The following BAG6 variants were observed in gnomAD, a reference collection of about 807,000 sequenced individuals.
BAG6 encodes the protein BAG cochaperone 6.
A neutral mutation model predicts 121.0 loss-of-function variants in BAG6; 22 were observed. The observed-to-expected ratio is 0.18, with a 90% CI of 0.13 to 0.26. BAG6 has a LOEUF of 0.26. Among genes scored for constraint, BAG6 ranks in the 10% least tolerant of loss-of-function variants. The pLI, the probability that BAG6 is intolerant of heterozygous loss-of-function variation, is 1.00. For synonymous variants in BAG6, 583 were observed against 584.6 expected (o/e 1.00, Z 0.04); for missense variants, 1,233 against 1,537.7 (o/e 0.80, Z 3.31).
chr6:31,641,378 G>A lies in BAG6; in HGVS notation c.2604C>T (p.Asn868=), dbSNP rs1464273353. ...TAAACTGCTCTTGGAGAAATTCCAG[G>A]TTTGTCCGGATGATGTCCACACCTG... ...VQPGVDIIRT[N]LEFLQEQFNS... is the part of the protein sequence containing the mutation. Residue 868 remains asparagine (N), a synonymous_variant, in exon 19 of 26, where the codon AAC becomes AAT. Transcript: ENST00000676615. This position sits in a 1 kb window ranked among gnomAD's most constrained non-coding sequence, Gnocchi z 5.7. The A allele has an allele frequency of 6.2e-7, 1 of 1,614,244 alleles. No individual in the cohort carries two copies. Among genetic ancestry groups the A allele is most frequent in the East Asian group, 2.2e-5 (1 of 44,888 alleles).
intron 6 of BAG6, among the ~76,000 whole-genome samples, chr6:31,648,143 G>C (rs1791980698): frequency 6.6e-6 from 1 of 151,532 alleles, no homozygotes; most frequent in Non-Finnish European, 1.5e-5. Flanking sequence ...AGCCTTCTAA[G>C]TAGCCAGGCC....
chr6:31,645,653 G>A, intron 8 of BAG6, 49 bp from the exon 9 acceptor site: 1 of 1,592,038 alleles, frequency 6.3e-7, no homozygotes, highest in Non-Finnish European at 8.6e-7. Context: ...TCAAGCTGGA[G>A]TCCATCTCAC....
chr6:31,640,596 C>G lies in BAG6; in HGVS notation c.2994+49G>C. On this transcript the variant is annotated intron_variant, in intron 22 of 25. Transcript: ENST00000676615. This position sits in a 1 kb window ranked among gnomAD's most constrained non-coding sequence, Gnocchi z 4.2. ...AGCCTCCAAACCTTTCTCCCCCAGCCCTCCACTCCACATTATCTGGCCCCT... is the reference window on the plus strand; with the variant it reads ...AGCCTCCAAACCTTTCTCCCCCAGCGCTCCACTCCACATTATCTGGCCCCT... 6.2e-7 allele frequency: 1 copy of G among 1,612,784 alleles called. No homozygotes were observed. Among genetic ancestry groups the G allele is most frequent in the Non-Finnish European group, 8.5e-7 (1 of 1,179,838 alleles).
chr6:31,643,707 G>A (rs528033098), intron 14 of BAG6, among the ~76,000 whole-genome samples, 183 bp downstream of exon 14: 1 of 106,218 alleles, frequency 9.4e-6, no homozygotes, highest in African/African-American at 4.0e-5. Flanking sequence ...TAGCAACAGA[G>A]TGAGACTCCA....
chr6:31,649,722 C>T (rs764166035), intron 2 of BAG6, 95 bp from the exon 3 acceptor site: 1 of 1,036,490 alleles, frequency 9.6e-7, no homozygotes, highest in Non-Finnish European at 1.5e-6. Flanking sequence ...GGGTAAAAAC[C>T]ACCACAGAAT....
At chr6:31,639,689 G>A in intron 24 of BAG6, 43 bp from the exon 25 acceptor site, 1 of 1,573,236 alleles carries the variant, frequency 6.4e-7, no homozygotes, top group Non-Finnish European at 8.6e-7. Flanking sequence ...ATCAACGTCA[G>A]ATCCAGTGCC....
chr6:31,642,540 G>A, intron 15 of BAG6, 137 bp from the exon 16 acceptor site: 2 of 635,318 alleles, frequency 3.1e-6, no homozygotes, highest in South Asian at 3.9e-5. Context: ...ACTGCTTAAA[G>A]CAGAAGTATG....
At position 31,646,417 on chromosome 6, in the gene BAG6, C is replaced by T; in HGVS notation, c.895G>A (p.Ala299Thr). ...ACATTGTTATTGTAGTCCGTGGTGGCAGCAGCACCCAGAACCTCGTAGTAG... is the reference window on the plus strand; with the variant it reads ...ACATTGTTATTGTAGTCCGTGGTGGTAGCAGCACCCAGAACCTCGTAGTAG... ...QRYYEVLGAA[A>T]TTDYNNNHEG... Residue 299 changes from alanine (A) to threonine (T), a missense_variant, in exon 8 of 26, where the codon GCC becomes ACC. By Grantham distance (58) the Ala-to-Thr change is moderately conservative (BLOSUM62 0). Transcript: ENST00000676615. 1 of 1,612,936 alleles carries T rather than the reference C, an allele frequency of 6.2e-7. No homozygotes were observed. Among genetic ancestry groups the T allele is most frequent in the Non-Finnish European group, 8.5e-7 (1 of 1,179,966 alleles).
Position 31,649,633 on chromosome 6 carries a change from A to G in BAG6, c.109-6T>C, listed in dbSNP as rs750239774. 6.2e-7 allele frequency: 1 copy of G among 1,609,240 alleles called. No individual in the cohort carries two copies. Among genetic ancestry groups the G allele is most frequent in the East Asian group, 2.2e-5 (1 of 44,868 alleles). The stretch of plus-strand genomic sequence containing the variant: ...TTAAACTCTTTTACATTCATCTGAA[A>G]AGAAGAGGCATGCACAGGAATGGAA... On this transcript the variant is annotated splice_polypyrimidine_tract_variant and splice_region_variant and intron_variant, in intron 2 of 25. Transcript: ENST00000676615.
intron 24 of BAG6, chr6:31,639,855 A>G (rs1241563459): frequency 2.9e-6 from 2 of 695,120 alleles, no homozygotes; most frequent in Non-Finnish European, 4.7e-6. Context: ...AATGTGCTTG[A>G]ACGTGCTCTT....
chr6:31,650,774 T>C (rs962408072), intron 2 of BAG6, among the ~76,000 whole-genome samples: 4 of 152,172 alleles, frequency 2.6e-5, no homozygotes, highest in African/African-American at 4.8e-5. Flanking sequence ...ATATATGGCT[T>C]TCTTATATCC....
rs747402041 is a variant in BAG6, at chr6:31,643,006, G to C, written c.1866C>G (p.Ala622=). The C allele has an allele frequency of 1.3e-6, 2 of 1,593,330 alleles. No homozygotes were observed. The highest frequency in any genetic ancestry group is 1.7e-6 in the Non-Finnish European group (2 of 1,171,002). Residue 622 remains alanine (A), a synonymous_variant, in exon 15 of 26, where the codon GCC becomes GCG. Coordinates refer to ENST00000676615, the MANE Select transcript of BAG6 (RefSeq NM_001387994.1). ...TTAGPAPGGP[A]QPPPTPQPSM... ...AGGGTTGAGGGGTGGGTGGAGGCTG[G>C]GCAGGCCCCCCAGGAGCGGGGCCAG...
intron 1 of BAG6, 88 bp from the exon 2 acceptor site, chr6:31,651,864 A>T: frequency 1.1e-6 from 1 of 938,870 alleles, no homozygotes; most frequent in South Asian, 1.3e-5. Context: ...CTGCCCCAAT[A>T]CCTAAAAAGT....
At chr6:31,649,095 C>G in intron 4 of BAG6, 104 bp downstream of exon 4, 2 of 1,534,524 alleles carry the variant, frequency 1.3e-6, no homozygotes, top group Non-Finnish European at 1.8e-6. Context: ...CACAGGGCCC[C>G]CTGAACCCAA....
rs200073459 is a variant in BAG6, at chr6:31,642,332, C to A, written c.2115G>T (p.Met705Ile). The A allele has an allele frequency of 1.2e-3, 1,586 of 1,276,932 alleles. 1 individual carries two copies. The highest frequency in any genetic ancestry group is 0.011 in the Middle Eastern group (36 of 3,304). 79.1% of individuals were successfully genotyped at this position (1,276,932 alleles called of 1,614,324 possible). The change falls in exon 16 of 26, where the codon ATG becomes ATT. Residue 705 changes from methionine to isoleucine, a missense_variant. Physicochemically the swap from Met to Ile is conservative, Grantham distance 10. Around this residue, in one of 7 missense-constraint regions of BAG6, gnomAD observed 777 missense variants for 861.4 expected, o/e 0.90. Coordinates refer to ENST00000676615, the MANE Select transcript of BAG6 (RefSeq NM_001387994.1). ...PPPPAPEQQT[M>I]PPPGSPSGGA... Reference sequence around the variant, plus strand: ...CACCAGAAGGGGAGCCTGGTGGGGGCATGGTCTGCTGCTCTGGGGCAGGTG... The same window carrying A: ...CACCAGAAGGGGAGCCTGGTGGGGGAATGGTCTGCTGCTCTGGGGCAGGTG...
At chr6:31,649,073 C>T in intron 4 of BAG6, 109 bp from the exon 5 acceptor site, 6 of 1,494,684 alleles carry the variant, frequency 4.0e-6, no homozygotes, top group Non-Finnish European at 5.5e-6. Flanking sequence ...AAGACTGAGA[C>T]CAATAGCACA....
Position 31,639,581 on chromosome 6 carries a change from G to T in BAG6, c.3312C>A (p.Ala1104=), listed in dbSNP as rs749692025. The T allele has an allele frequency of 6.2e-7, 1 of 1,613,982 alleles. No individual in the cohort carries two copies. Among genetic ancestry groups the T allele is most frequent in the Admixed American group, 1.7e-5 (1 of 60,010 alleles). The part of the protein sequence containing the change: ...SEAVSRAAKA[A]GARPLTSPES... ...CGGGGCTCGTCAGGGGCCGAGCTCCGGCTGCCTTAGCTGCCCGGCTCACAG... is the reference window on the plus strand; with the variant it reads ...CGGGGCTCGTCAGGGGCCGAGCTCCTGCTGCCTTAGCTGCCCGGCTCACAG... Residue 1104 remains alanine, a synonymous_variant, in exon 25 of 26, where the codon GCC becomes GCA. Transcript: ENST00000676615.
Position 31,644,280 on chromosome 6 carries a change from C to T in BAG6, c.1555+27G>A. The T allele has an allele frequency of 6.4e-7, 1 of 1,554,078 alleles. No individual in the cohort carries two copies. The highest frequency in any genetic ancestry group is 8.7e-7 in the Non-Finnish European group (1 of 1,148,310). On this transcript the variant is annotated intron_variant, in intron 12 of 25. Transcript: ENST00000676615. The surrounding 1 kb of genome is among the most constrained non-coding windows in gnomAD (Gnocchi z 4.9). ...TGCCACCATGGACTGTGCCCTACCTCCCAAGCCTCCCCTTCCAGGTCATTA... is the reference window on the plus strand; with the variant it reads ...TGCCACCATGGACTGTGCCCTACCTTCCAAGCCTCCCCTTCCAGGTCATTA...
At position 31,640,557 on chromosome 6, in the gene BAG6, G is replaced by T. The variant is rs1435824243; in HGVS notation, c.2995-29C>A. 1.2e-6 allele frequency: 2 copies of T among 1,612,430 alleles called. No individual in the cohort carries two copies. The highest frequency in any genetic ancestry group is 1.7e-6 in the Non-Finnish European group (2 of 1,179,732). ...GGTGTCAGATGGCGGGAAGAGCCAG[G>T]CTTCAGAATTTTTAGCCTCCAAACC... On this transcript the variant is annotated intron_variant, in intron 22 of 25. Coordinates refer to ENST00000676615, the MANE Select transcript of BAG6 (RefSeq NM_001387994.1). This position sits in a 1 kb window ranked among gnomAD's most constrained non-coding sequence, Gnocchi z 4.2.
Sources: allele counts gnomAD v4.1 joint callset (sites outside exome capture counted in the v4.1 genomes callset), GRCh38; gene constraint gnomAD v4.1.1; regional missense constraint gnomAD v4.1.1; non-coding constraint Gnocchi (gnomAD v3.1); transcripts MANE v1.5; gene names NCBI Gene and HGNC (gene_info 2026-07-23, HGNC 2026-07-21).